Variants in RHOBTB1 observed in about 807,000 individuals in gnomAD.
RHOBTB1 encodes the protein Rho related BTB domain containing 1.
Under a neutral mutation model 71.6 loss-of-function variants are expected in RHOBTB1, and 40 were observed. The ratio of observed to expected loss-of-function variants is 0.56; its 90% confidence interval spans 0.43 to 0.73. The LOEUF is 0.73. RHOBTB1 is among the 30% of genes least tolerant of loss of function. The pLI, the probability that RHOBTB1 is intolerant of heterozygous loss-of-function variation, is 0.00. For synonymous variants in RHOBTB1, 319 were observed against 334.9 expected (o/e 0.95, Z 0.52); for missense variants, 797 against 894.0 (o/e 0.89, Z 1.38).
intron 2 of RHOBTB1, among the ~76,000 whole-genome samples, chr10:60,977,258 AG>A (rs2134751101): frequency 6.6e-6 from 1 of 152,180 alleles, no homozygotes; most frequent in East Asian, 1.9e-4. Flanking sequence ...ACACTTTCAA[AG>A]AAGCAATTTT....
intron 9 of RHOBTB1, 118 bp downstream of exon 9, chr10:60,874,836 G>T: frequency 1.4e-6 from 1 of 724,502 alleles, no homozygotes; most frequent in East Asian, 2.6e-5. Context: ...TACACAGGGG[G>T]ACTCTGTGAC....
chr10:60,998,081 C>T (rs1250500715), intron 1 of RHOBTB1, among the ~76,000 whole-genome samples: 2 of 152,106 alleles, frequency 1.3e-5, no homozygotes, highest in Admixed American at 6.6e-5. Flanking sequence ...TTTCCTCTGC[C>T]GTAAAATATG....
chr10:60,892,608 A>G (rs1327157078), intron 5 of RHOBTB1, among the ~76,000 whole-genome samples: 2 of 152,200 alleles, frequency 1.3e-5, no homozygotes, highest in East Asian at 3.8e-4. Context: ...TTTGACAAAA[A>G]TGAGTTCTGA....
At chr10:60,915,079 A>T (rs1257335419) in intron 2 of RHOBTB1, among the ~76,000 whole-genome samples, 1 of 152,264 alleles carries the variant, frequency 6.6e-6, no homozygotes, top group African/African-American at 2.4e-5. Flanking sequence ...CATTTTAAGA[A>T]TGTGAAATCA....
chr10:60,873,042 C>T (rs2080876332), intron 9 of RHOBTB1, among the ~76,000 whole-genome samples: 1 of 152,206 alleles, frequency 6.6e-6, no homozygotes, highest in African/African-American at 2.4e-5. Context: ...CTAGAACCTA[C>T]AGCATGCTTC....
chr10:60,890,894 C>A (rs2081884201), intron 5 of RHOBTB1, among the ~76,000 whole-genome samples: 1 of 152,242 alleles, frequency 6.6e-6, no homozygotes. Flanking sequence ...CTCTTCAAGG[C>A]TTAGCTCAAA....
chr10:60,986,941 G>A (rs142258251), intron 1 of RHOBTB1, among the ~76,000 whole-genome samples: 1 of 152,188 alleles, frequency 6.6e-6, no homozygotes, highest in Non-Finnish European at 1.5e-5. Context: ...GTAAGGAGGA[G>A]TTTCTGAAGG....
intron 2 of RHOBTB1, among the ~76,000 whole-genome samples, chr10:60,966,739 C>T (rs1039704829): frequency 2.0e-5 from 3 of 150,996 alleles, no homozygotes; most frequent in African/African-American, 7.3e-5. Context: ...GCACAACGTG[C>T]AGGTTTGTTA....
Position 60,910,984 on chromosome 10 carries a change from C to A in RHOBTB1, c.199G>T (p.Glu67Ter). The A allele has an allele frequency of 6.2e-7, 1 of 1,613,466 alleles. No individual in the cohort carries two copies. The highest frequency in any genetic ancestry group is 8.5e-7 in the Non-Finnish European group (1 of 1,179,634). Residue 67 changes from glutamate to a stop codon, truncating the protein, a stop_gained, in exon 4 of 11, where the codon GAG becomes TAG. Coordinates refer to ENST00000337910, the MANE Select transcript of RHOBTB1 (RefSeq NM_014836.5). LOFTEE classifies it high-confidence loss of function. The stretch of plus-strand genomic sequence containing the variant: ...TCATCAACAACATCCCGAGAACGCT[C>A]CAAGACCTGCAGGAGAGAGAGAGAG... ...DQYRVCQEVL[E>*]RSRDVVDEVS...
chr10:60,901,554 T>C (rs188128422), intron 4 of RHOBTB1, among the ~76,000 whole-genome samples: 3 of 152,350 alleles, frequency 2.0e-5, no homozygotes, highest in Admixed American at 2.0e-4. Context: ...AACAGAATTA[T>C]CCACTGAGGA....
In RHOBTB1 at chr10:60,878,031, A is replaced by T. The variant is rs2081125276; in HGVS notation, c.1603T>A (p.Ser535Thr). 4 of 1,612,286 alleles carry T rather than the reference A, an allele frequency of 2.5e-6. No individual in the cohort carries two copies. In the South Asian group the frequency reaches 3.3e-5, roughly 13 times the overall value. The change falls in exon 8 of 11, where the codon TCA (serine) becomes ACA (threonine). Residue 535 changes from serine to threonine, a missense_variant. By Grantham distance (58) the Ser-to-Thr change is moderately conservative (BLOSUM62 1). Coordinates refer to ENST00000337910, the MANE Select transcript of RHOBTB1 (RefSeq NM_014836.5). ...AGATAATCCAATACTGCTTGCATTG[A>T]TATCTTGTTTATGTTCGGGAGATAC... Reference protein sequence around the residue: ...EVYLPNINKISMQAVLDYLYT... With the variant: ...EVYLPNINKITMQAVLDYLYT...
chr10:60,967,069 A>G (rs2085989333), intron 2 of RHOBTB1, among the ~76,000 whole-genome samples: 1 of 152,018 alleles, frequency 6.6e-6, no homozygotes, highest in Non-Finnish European at 1.5e-5. Context: ...GGAGCGATGC[A>G]GTATGGTTGT....
At chr10:60,947,250 A>T (rs1293416183), upstream of RHOBTB1, among the ~76,000 whole-genome samples, 1 of 152,240 alleles carries the variant, frequency 6.6e-6, no homozygotes, top group African/African-American at 2.4e-5. Context: ...AATCAGTACC[A>T]TTCCTTTAAG....
At chr10:60,988,052 C>T (rs1272742974) in intron 1 of RHOBTB1, among the ~76,000 whole-genome samples, 2 of 151,008 alleles carry the variant, frequency 1.3e-5, no homozygotes, top group African/African-American at 4.9e-5. Context: ...CTGCCTCAGC[C>T]TCCCGGGTAG....
Position 60,886,041 on chromosome 10 carries a change from C to G in RHOBTB1, c.1575+71G>C, listed in dbSNP as rs1048210113. ...GGATTAAAGTCATCTGGCTGTTTAC[C>G]CACTTTATATAAATACACAGGCACA... On this transcript the variant is annotated intron_variant, in intron 7 of 10. Transcript: ENST00000337910. 7 of 1,129,520 alleles carry G rather than the reference C, an allele frequency of 6.2e-6. No homozygotes were observed. The African/African-American group carries it at 9.2e-5, about 15-fold the overall frequency. 70.0% of individuals were successfully genotyped at this position (1,129,520 alleles called of 1,614,324 possible). A position where few individuals can be genotyped will look rare whatever the true frequency, so the allele number is the denominator to read the frequency against.
At chr10:60,997,269 T>C (rs944701398) in intron 1 of RHOBTB1, among the ~76,000 whole-genome samples, 5 of 152,226 alleles carry the variant, frequency 3.3e-5, no homozygotes, top group Non-Finnish European at 7.3e-5. Context: ...AAAATTGTGA[T>C]TGGATCTCAA....
At chr10:60,963,023 C>A (rs989582550) in intron 2 of RHOBTB1, among the ~76,000 whole-genome samples, 3 of 152,094 alleles carry the variant, frequency 2.0e-5, no homozygotes, top group Admixed American at 1.3e-4. Flanking sequence ...GTAATACAGA[C>A]CACGGCTACA....
intron 1 of RHOBTB1, among the ~76,000 whole-genome samples, chr10:60,998,461 T>C (rs1332030032): frequency 6.6e-6 from 1 of 152,174 alleles, no homozygotes. Context: ...ACAACAGTCA[T>C]ATTAAACAAA....
chr10:60,999,731 T>C (rs2087189889), intron 1 of RHOBTB1, among the ~76,000 whole-genome samples: 1 of 152,234 alleles, frequency 6.6e-6, no homozygotes, highest in African/African-American at 2.4e-5. Flanking sequence ...ATGAGGCTAT[T>C]CCACAAAAAC....
Sources: allele counts gnomAD v4.1 joint callset (sites outside exome capture counted in the v4.1 genomes callset), GRCh38; gene constraint gnomAD v4.1.1; transcripts MANE v1.5; gene names NCBI Gene and HGNC (gene_info 2026-07-23, HGNC 2026-07-21).